The following WWOX variants were observed in gnomAD, a reference collection of about 807,000 sequenced individuals.
WWOX encodes WW domain-containing oxidoreductase.
A neutral mutation model predicts 46.2 loss-of-function variants in WWOX; 69 were observed. The ratio of observed to expected loss-of-function variants is 1.49; its 90% CI spans 1.23 to 1.82. WWOX has a LOEUF of 1.82. Ranked by LOEUF, WWOX falls within the 40% of genes most tolerant of loss-of-function variation. The pLI, the probability that WWOX is intolerant of heterozygous loss-of-function variation, is 0.00. For synonymous variants in WWOX, 359 were observed against 202.6 expected (o/e 1.77, Z -6.56); for missense variants, 919 against 542.6 (o/e 1.69, Z -6.89).
chr16:79,065,877 C>G (rs192430030), intron 8 of WWOX, among the ~76,000 whole-genome samples: 252 of 152,340 alleles, frequency 1.7e-3, no homozygotes, highest in African/African-American at 5.9e-3. Context: ...CTTATGGTCA[C>G]AATTTCACAA....
At chr16:78,903,807 C>G (rs76255319) in intron 8 of WWOX, among the ~76,000 whole-genome samples, 3,451 of 152,252 alleles carry the variant, frequency 0.023, 124 homozygotes, top group Admixed American at 0.089. Flanking sequence ...TGCTGAGAGT[C>G]CAGTCCATTT....
chr16:78,306,865 C>G (rs1043882003), intron 5 of WWOX, among the ~76,000 whole-genome samples: 2 of 152,158 alleles, frequency 1.3e-5, no homozygotes, highest in Non-Finnish European at 2.9e-5. Context: ...GAGCCCCACT[C>G]CTTCCCACAA....
intron 6 of WWOX, among the ~76,000 whole-genome samples, chr16:78,402,295 T>C (rs557773112): frequency 6.6e-6 from 1 of 152,202 alleles, no homozygotes; most frequent in Non-Finnish European, 1.5e-5. Flanking sequence ...ATTTATGTTA[T>C]TGCAAAAATC....
chr16:78,112,524 C>T lies in WWOX; in HGVS notation c.231-2452C>T, dbSNP rs79760627. ...GAGAAGTCTCCCAGGCCACCATAGG[C>T]AGCCCCAGGAAGACGGGGCTGTCTA... On this transcript the variant is annotated intron_variant, in intron 3 of 8. Coordinates refer to ENST00000566780, the MANE Select transcript of WWOX (RefSeq NM_016373.4). 8.0e-3 allele frequency among the ~76,000 whole-genome samples: 1,219 copies of T among 152,260 alleles called. 18 individuals carry two copies. Among genetic ancestry groups the T allele is most frequent in the African/African-American group, 0.027 (1,110 of 41,538 alleles).
intron 8 of WWOX, among the ~76,000 whole-genome samples, chr16:78,855,340 G>A (rs1319183110): frequency 6.6e-6 from 1 of 152,080 alleles, no homozygotes; most frequent in African/African-American, 2.4e-5. Context: ...AATCTGAGTG[G>A]GTGTCTAATT....
intron 8 of WWOX, among the ~76,000 whole-genome samples, chr16:79,064,664 T>C (rs1251864648): frequency 2.0e-5 from 3 of 152,192 alleles, no homozygotes; most frequent in African/African-American, 7.2e-5. Flanking sequence ...TTCGTGTTCC[T>C]GCAAGGATTA....
At chr16:78,654,883 G>C (rs576706529) in intron 8 of WWOX, among the ~76,000 whole-genome samples, 2 of 151,888 alleles carry the variant, frequency 1.3e-5, no homozygotes, top group Non-Finnish European at 2.9e-5. Context: ...TTTCTTGGTG[G>C]GGGGGATGCA....
At chr16:78,935,687 A>G (rs538009124) in intron 8 of WWOX, among the ~76,000 whole-genome samples, 4 of 152,166 alleles carry the variant, frequency 2.6e-5, no homozygotes, top group Admixed American at 6.5e-5. Context: ...GCACACCGAC[A>G]TGGCACATGT....
intron 8 of WWOX, chr16:78,825,517 C>T (rs920331691): frequency 4.0e-6 from 2 of 505,778 alleles, no homozygotes; most frequent in African/African-American, 3.9e-5. Context: ...TTTGGCTTCC[C>T]ACAGGGCATT....
intron 8 of WWOX, among the ~76,000 whole-genome samples, chr16:78,835,914 C>G (rs2051968972): frequency 6.6e-6 from 1 of 152,062 alleles, no homozygotes; most frequent in African/African-American, 2.4e-5. Flanking sequence ...GAGTTGTATC[C>G]TCAGATATAT....
At chr16:78,194,221 C>T (rs2035975673) in intron 5 of WWOX, among the ~76,000 whole-genome samples, 1 of 151,982 alleles carries the variant, frequency 6.6e-6, no homozygotes, top group Non-Finnish European at 1.5e-5. Flanking sequence ...GTGTTTGTTA[C>T]AGTGATGTTT....
At chr16:78,854,539 T>C (rs755412488) in intron 8 of WWOX, among the ~76,000 whole-genome samples, 6 of 152,202 alleles carry the variant, frequency 3.9e-5, no homozygotes, top group Non-Finnish European at 5.9e-5. Context: ...TAAAAATTCC[T>C]CTATTGAGAT....
intron 5 of WWOX, among the ~76,000 whole-genome samples, chr16:78,301,650 G>T (rs982310400): frequency 2.6e-5 from 4 of 152,096 alleles, no homozygotes; most frequent in Non-Finnish European, 4.4e-5. Context: ...TCAAGTCTCA[G>T]GTTAAAAAAC....
intron 8 of WWOX, among the ~76,000 whole-genome samples, chr16:78,719,930 C>A (rs958780642): frequency 6.6e-6 from 1 of 152,124 alleles, no homozygotes; most frequent in East Asian, 1.9e-4. Context: ...ATTTTAAGCA[C>A]GTTTTCACCA....
intron 8 of WWOX, among the ~76,000 whole-genome samples, chr16:78,673,847 T>G (rs2047524434): frequency 6.6e-6 from 1 of 152,182 alleles, no homozygotes; most frequent in Admixed American, 6.6e-5. Flanking sequence ...CCGCAGAGGT[T>G]TGTGCCATGC....
chr16:79,174,991 G>A (rs555580540), intron 8 of WWOX, among the ~76,000 whole-genome samples: 9 of 152,154 alleles, frequency 5.9e-5, no homozygotes, highest in East Asian at 1.9e-4. Flanking sequence ...ACATGCACGC[G>A]TTCTCTCCCT....
At chr16:78,934,540 A>G (rs1018050023) in intron 8 of WWOX, among the ~76,000 whole-genome samples, 1 of 150,246 alleles carries the variant, frequency 6.7e-6, no homozygotes, top group Non-Finnish European at 1.5e-5. Flanking sequence ...AAGAAACACA[A>G]CTTACCAAAC....
rs149366094 is a variant in WWOX at position 78,575,222 on chromosome 16, G to A, written c.1056+142470G>A. 2.0e-5 allele frequency among the ~76,000 whole-genome samples: 3 copies of A among 146,808 alleles called. No individual in the cohort carries two copies. The Admixed American group carries it at 2.1e-4, about 10-fold the overall frequency. The stretch of plus-strand genomic sequence containing the variant: ...GAGAAACCATCTCTGGGTTAGTTCT[G>A]TCCCTGGAGGTGAGGGCCAGACAAC... On this transcript the variant is annotated intron_variant, in intron 8 of 8. Coordinates refer to ENST00000566780, the MANE Select transcript of WWOX (RefSeq NM_016373.4).
chr16:78,468,162 C>CT (rs2084126879), intron 8 of WWOX, among the ~76,000 whole-genome samples: 1 of 152,066 alleles, frequency 6.6e-6, no homozygotes, highest in African/African-American at 2.4e-5. Context: ...ATCTTCACTG[C>CT]TTTTACTATT....
Sources: gnomAD v4.1 joint callset for allele counts (sites outside exome capture counted in the v4.1 genomes callset) on GRCh38, gnomAD v4.1.1 for gene constraint, MANE v1.5 for transcripts, NCBI Gene and HGNC (gene_info 2026-07-23, HGNC 2026-07-21) for gene names.